The following TANGO2 variants were observed in gnomAD, a reference collection of about 807,000 sequenced individuals.
The protein encoded by TANGO2 is transport and golgi organization 2 homolog.
A neutral mutation model predicts 39.1 loss-of-function variants in TANGO2; 26 were observed. The observed-to-expected ratio is 0.67, with a 90% CI of 0.49 to 0.92. The LOEUF (loss-of-function observed/expected upper bound fraction) is 0.92. Ranked by LOEUF, TANGO2 falls within the 40% of genes least tolerant of loss-of-function variation. The pLI is 0.00. For synonymous variants in TANGO2, 131 were observed against 144.5 expected, an observed-to-expected ratio of 0.91 and a Z score of 0.67; for missense variants, 326 against 360.1, an observed-to-expected ratio of 0.91 and a Z score of 0.77.
At chr22:20,056,632 G>A (rs1342550525) in intron 6 of TANGO2, 3 of 456,532 alleles carry the variant, frequency 6.6e-6, no homozygotes, top group East Asian at 6.9e-5. Flanking sequence ...TCCTCTGCCA[G>A]TGCCCCAACC....
chr22:20,023,318 A>C (rs961077191), intron 1 of TANGO2, among the ~76,000 whole-genome samples: 1 of 151,178 alleles, frequency 6.6e-6, no homozygotes, highest in South Asian at 2.1e-4. Flanking sequence ...TTTACTAACC[A>C]CTCAGGCCGC....
chr22:20,033,825 A>C (rs1406768633), intron 1 of TANGO2, among the ~76,000 whole-genome samples: 1 of 152,268 alleles, frequency 6.6e-6, no homozygotes, highest in East Asian at 1.9e-4. Context: ...ATGGTTCTGC[A>C]TCATCAGCTG....
intron 2 of TANGO2, among the ~76,000 whole-genome samples, chr22:20,043,047 A>G (rs1323536495): frequency 2.0e-5 from 3 of 152,034 alleles, no homozygotes. Context: ...GGCTCCCGGC[A>G]TGGAGCCCAG....
intron 2 of TANGO2, 183 bp downstream of exon 2, chr22:20,037,037 C>T (rs776320425): frequency 1.3e-5 from 20 of 1,557,156 alleles, no homozygotes; most frequent in East Asian, 6.8e-5. Flanking sequence ...CCTCTCGGGG[C>T]GGGGACTCCA....
At chr22:20,029,355 G>T (rs1016409047) in intron 1 of TANGO2, among the ~76,000 whole-genome samples, 4 of 152,174 alleles carry the variant, frequency 2.6e-5, no homozygotes, top group Non-Finnish European at 4.4e-5. Context: ...GGCCCAGAGT[G>T]CCTGGAAAGC....
intron 3 of TANGO2, among the ~76,000 whole-genome samples, chr22:20,047,532 G>C (rs1427974418): frequency 6.6e-6 from 1 of 152,118 alleles, no homozygotes; most frequent in African/African-American, 2.4e-5. Flanking sequence ...ACCTCACCCA[G>C]CCCGGGGATC....
chr22:20,023,592 C>T (rs973099558), intron 1 of TANGO2, among the ~76,000 whole-genome samples: 6 of 152,204 alleles, frequency 3.9e-5, no homozygotes, highest in African/African-American at 9.7e-5. Flanking sequence ...CGGTGGCTCA[C>T]GCCTGTAATC....
intron 3 of TANGO2, among the ~76,000 whole-genome samples, chr22:20,049,043 A>G (rs577099837): frequency 1.3e-5 from 2 of 152,290 alleles, no homozygotes; most frequent in East Asian, 3.9e-4. Flanking sequence ...AGAGGAAAAT[A>G]TATAACAATA....
intron 8 of TANGO2, 145 bp downstream of exon 8, chr22:20,063,587 C>T (rs1483798897): frequency 1.6e-5 from 12 of 760,924 alleles, no homozygotes; most frequent in East Asian, 5.8e-5. Context: ...CCTGTCCAGA[C>T]GCAGCTGCAG....
At chr22:20,036,117 G>C (rs1429446197) in intron 1 of TANGO2, among the ~76,000 whole-genome samples, 3 of 152,114 alleles carry the variant, frequency 2.0e-5, no homozygotes, top group Non-Finnish European at 2.9e-5. Context: ...GAGCTAACTA[G>C]GACTGCAATG....
intron 5 of TANGO2, 128 bp downstream of exon 5, chr22:20,053,679 T>C (rs779357106): frequency 4.9e-5 from 34 of 700,034 alleles, no homozygotes; most frequent in African/African-American, 3.0e-4. Flanking sequence ...TCCTCGTGAC[T>C]TGGCAAACAT....
At chr22:20,056,392 T>C (rs1164127029) in intron 6 of TANGO2, 2 of 487,868 alleles carry the variant, frequency 4.1e-6, no homozygotes, top group East Asian at 1.2e-4. Flanking sequence ...GTCTGCTCCC[T>C]GACGCACAAG....
At chr22:20,047,669 TC>T (rs1384967522) in intron 3 of TANGO2, among the ~76,000 whole-genome samples, 1 of 152,042 alleles carries the variant, frequency 6.6e-6, no homozygotes. Context: ...TTCGGCCTGG[TC>T]CCCCCACTCC....
intron 6 of TANGO2, chr22:20,058,072 G>T (rs1286308365): frequency 2.6e-5 from 4 of 152,024 alleles, no homozygotes; most frequent in African/African-American, 9.7e-5. Context: ...CTGACTAGCG[G>T]CACAGTTCAC....
upstream of TANGO2, chr22:20,020,967 C>T (rs1459637868): frequency 6.6e-6 from 1 of 152,032 alleles, no homozygotes; most frequent in Non-Finnish European, 1.5e-5. Flanking sequence ...GTGGCAGCCT[C>T]CGAGCGACAG....
intron 3 of TANGO2, among the ~76,000 whole-genome samples, chr22:20,051,070 A>G (rs2147470441): frequency 6.6e-6 from 1 of 150,900 alleles, no homozygotes; most frequent in South Asian, 2.1e-4. Context: ...CATGTTGGTC[A>G]GGCTGGTCTT....
At chr22:20,047,038 C>T (rs933586863) in intron 3 of TANGO2, among the ~76,000 whole-genome samples, 4 of 152,054 alleles carry the variant, frequency 2.6e-5, no homozygotes, top group Non-Finnish European at 5.9e-5. Context: ...AGATCACACA[C>T]GGAGGGAGGA....
intron 2 of TANGO2, among the ~76,000 whole-genome samples, chr22:20,040,394 G>A (rs945375880): frequency 5.3e-5 from 8 of 152,150 alleles, no homozygotes; most frequent in Admixed American, 4.6e-4. Flanking sequence ...ATCAGCACCC[G>A]AAGCCAACAG....
intron 2 of TANGO2, among the ~76,000 whole-genome samples, chr22:20,038,666 G>A (rs921089455): frequency 3.3e-5 from 5 of 152,208 alleles, no homozygotes; most frequent in African/African-American, 1.2e-4. Flanking sequence ...CCACCTCTGG[G>A]TGACTGAGCA....
Sources: gnomAD v4.1 joint callset for allele counts (sites outside exome capture counted in the v4.1 genomes callset) on GRCh38, gnomAD v4.1.1 for gene constraint, MANE v1.5 for transcripts, NCBI Gene and HGNC (gene_info 2026-07-23, HGNC 2026-07-21) for gene names.